Variants in TDG observed in about 807,000 individuals in gnomAD.
The protein encoded by TDG is thymine DNA glycosylase, also known as G/T mismatch-specific thymine DNA glycosylase.
Under a neutral mutation model 46.1 loss-of-function variants are expected in TDG, and 23 were observed. That is an observed-to-expected ratio of 0.50 (90% CI 0.36 to 0.71). The LOEUF (loss-of-function observed/expected upper bound fraction) is 0.71. TDG is among the 30% of genes least tolerant of loss of function. The pLI is 0.00. For missense variants in TDG, 304 were observed against 486.7 expected, an observed-to-expected ratio of 0.62 and a Z score of 3.53; for synonymous variants, 115 against 161.3, an observed-to-expected ratio of 0.71 and a Z score of 2.18.
chr12:103,982,274 C>T (rs533856942), intron 4 of TDG, among the ~76,000 whole-genome samples: 3 of 152,196 alleles, frequency 2.0e-5, no homozygotes, highest in African/African-American at 7.2e-5. Flanking sequence ...GAAGTTTGGA[C>T]TTTTGACTTT....
At chr12:103,982,617 T>G (rs112631912) in intron 4 of TDG, among the ~76,000 whole-genome samples, 182 bp from the exon 5 acceptor site, 348 of 151,584 alleles carry the variant, frequency 2.3e-3, no homozygotes, top group African/African-American at 7.9e-3. Context: ...ATACAAAAAT[T>G]AGCTGGGCGT....
At chr12:103,984,978 T>C (rs1872047382) in intron 8 of TDG, 58 bp downstream of exon 8, 1 of 1,362,346 alleles carries the variant, frequency 7.3e-7, no homozygotes, top group Non-Finnish European at 9.8e-7. Context: ...TACACATATA[T>C]ACTTACATAT....
intron 2 of TDG, 144 bp from the exon 3 acceptor site, chr12:103,979,687 C>T: frequency 1.0e-6 from 1 of 978,058 alleles, no homozygotes; most frequent in South Asian, 1.9e-5. Context: ...GAAGATATTG[C>T]AGAGGAGACT....
At chr12:103,970,213 C>T (rs1418902159) in intron 1 of TDG, among the ~76,000 whole-genome samples, 4 of 152,164 alleles carry the variant, frequency 2.6e-5, no homozygotes, top group African/African-American at 7.2e-5. Context: ...TGCAGTGGCT[C>T]ACACCTGTAA....
In TDG at chr12:103,987,272, G is replaced by A. The variant is rs1228126452; in HGVS notation, c.*182G>A. ...CCTAAGTAGTTTGGAAGAAAAAGTA[G>A]GGTTTTTGTATACTAGCTTTTGTAT... On this transcript the variant is annotated 3_prime_UTR_variant, in exon 10 of 10. Coordinates refer to ENST00000392872, the MANE Select transcript of TDG (RefSeq NM_003211.6). The A allele has an allele frequency of 2.5e-6, 2 of 808,322 alleles. No individual in the cohort carries two copies. The highest frequency in any genetic ancestry group is 2.8e-5 in the East Asian group (1 of 36,260). The allele number at this position is 808,322 out of a possible 1,614,324, so 50.1% of individuals were successfully genotyped here. A position where few individuals can be genotyped will look rare whatever the true frequency, so the allele number is the denominator to read the frequency against.
At chr12:103,980,362 A>C in intron 3 of TDG, 1 of 339,642 alleles carries the variant, frequency 2.9e-6, no homozygotes, top group South Asian at 4.3e-5. Context: ...TGATAATACC[A>C]CCCCCCGATA....
intron 7 of TDG, 118 bp downstream of exon 7, chr12:103,983,507 G>T (rs947483292): frequency 1.6e-6 from 1 of 643,676 alleles, no homozygotes; most frequent in African/African-American, 1.9e-5. Context: ...ACTGTATTTT[G>T]TTGAATAATA....
chr12:103,981,226 CTTTTTTTTTTTT>C (rs11314473), intron 4 of TDG, among the ~76,000 whole-genome samples: 2 of 69,412 alleles, frequency 2.9e-5, no homozygotes, highest in Admixed American at 1.8e-4. Flanking sequence ...AGTTGTACTA[CTTTTTTTTTTTT>C]TTTTTTTTTT....
At chr12:103,966,195 TG>T (rs1871008955) in intron 1 of TDG, 135 bp downstream of exon 1, 2 of 1,212,278 alleles carry the variant, frequency 1.6e-6, no homozygotes, top group East Asian at 6.1e-5. Flanking sequence ...GTGCGCACTG[TG>T]GCCTGGTCGG....
chr12:103,983,450 C>A, intron 7 of TDG, 61 bp downstream of exon 7: 2 of 1,223,222 alleles, frequency 1.6e-6, no homozygotes, highest in Admixed American at 2.6e-5. Context: ...TAGATAATTT[C>A]CTTATTTGTC....
chr12:103,966,003 G>A lies in TDG; in HGVS notation c.-35G>A, dbSNP rs1386718117. ...CAGAGACCGGCTGCCCGTGTGCCCGGCAGGTGGAGCCGCCCGCATCAGCGG... is the reference window on the plus strand; with the variant it reads ...CAGAGACCGGCTGCCCGTGTGCCCGACAGGTGGAGCCGCCCGCATCAGCGG... On this transcript the variant is annotated 5_prime_UTR_variant, in exon 1 of 10. Transcript: ENST00000392872. 1.3e-6 allele frequency: 2 copies of A among 1,590,576 alleles called. No homozygotes were observed. Among genetic ancestry groups the A allele is most frequent in the Non-Finnish European group, 1.7e-6 (2 of 1,169,582 alleles).
chr12:103,980,103 A>G, intron 3 of TDG, 31 bp downstream of exon 3: 1 of 1,612,600 alleles, frequency 6.2e-7, no homozygotes. Flanking sequence ...GGATTTTATA[A>G]GTAGTATTGG....
intron 1 of TDG, chr12:103,973,160 C>T (rs1247858134): frequency 3.2e-6 from 2 of 627,382 alleles, no homozygotes; most frequent in East Asian, 3.0e-5. Flanking sequence ...TCTCGGCTCA[C>T]CACAACCTCC....
At position 103,976,988 on chromosome 12, in the gene TDG, A is replaced by G; in HGVS notation, c.94A>G (p.Met32Val). ...ACAACTGATGGCTGAAGCTCCTAAT[A>G]TGGCAGTTGTGAATGAACAGCAAAT... ...FQQLMAEAPN[M>V]AVVNEQQMPE... The change falls in exon 2 of 10, where the codon ATG becomes GTG. Residue 32 changes from methionine to valine, a missense_variant. By Grantham distance (21) the Met-to-Val change is conservative (BLOSUM62 1). Transcript: ENST00000392872. The G allele has an allele frequency of 6.2e-7, 1 of 1,614,048 alleles. No homozygotes were observed. The highest frequency in any genetic ancestry group is 8.5e-7 in the Non-Finnish European group (1 of 1,179,978).
chr12:103,973,155 G>T, intron 1 of TDG: 1 of 621,598 alleles, frequency 1.6e-6, no homozygotes, highest in Non-Finnish European at 2.9e-6. Flanking sequence ...CATCATCTCG[G>T]CTCACCACAA....
intron 1 of TDG, among the ~76,000 whole-genome samples, chr12:103,968,385 A>G (rs1871153174): frequency 6.6e-6 from 1 of 152,226 alleles, no homozygotes; most frequent in African/African-American, 2.4e-5. Context: ...AATGTTAAGG[A>G]GACCAGGAAG....
intron 1 of TDG, among the ~76,000 whole-genome samples, chr12:103,968,896 A>T (rs1871174908): frequency 6.6e-6 from 1 of 152,246 alleles, no homozygotes; most frequent in Admixed American, 6.5e-5. Context: ...TGGGAGGCCA[A>T]GGCAAGTGGA....
intron 1 of TDG, among the ~76,000 whole-genome samples, chr12:103,976,408 C>A (rs1047663607): frequency 2.7e-5 from 4 of 147,448 alleles, no homozygotes; most frequent in Admixed American, 6.7e-5. Context: ...CCCTGTCTCC[C>A]CACACACACA....
At chr12:103,978,341 C>G (rs757881889) in intron 2 of TDG, among the ~76,000 whole-genome samples, 94 of 152,044 alleles carry the variant, frequency 6.2e-4, no homozygotes, top group Non-Finnish European at 1.2e-3. Context: ...GTGCCACTCA[C>G]CAAGACAGAG....
Sources: allele counts gnomAD v4.1 joint callset (sites outside exome capture counted in the v4.1 genomes callset), GRCh38; gene constraint gnomAD v4.1.1; transcripts MANE v1.5; gene names NCBI Gene and HGNC (gene_info 2026-07-23, HGNC 2026-07-21).